The following SRGAP2C variants were observed in gnomAD, a reference collection of about 807,000 sequenced individuals.
SRGAP2C encodes SLIT-ROBO Rho GTPase activating protein 2C, also known as SLIT-ROBO Rho GTPase-activating protein 2C.
A neutral mutation model predicts 25.1 loss-of-function variants in SRGAP2C; 15 were observed. That is an observed-to-expected ratio of 0.60 (90% CI 0.40 to 0.92). The LOEUF (loss-of-function observed/expected upper bound fraction) is 0.92. Among genes scored for constraint, SRGAP2C ranks in the 40% least tolerant of loss-of-function variants. The probability of loss-of-function intolerance (pLI) is 0.00; values close to 1 mark genes in which losing one functional copy is unlikely to be tolerated. For missense variants in SRGAP2C, 144 were observed against 264.4 expected (o/e 0.54, Z 3.16); for synonymous variants, 44 against 96.6 (o/e 0.46, Z 3.19).
At chr1:121,296,293 T>C (rs1657598063) in intron 3 of SRGAP2C, among the ~76,000 whole-genome samples, 2 of 151,864 alleles carry the variant, frequency 1.3e-5, no homozygotes, top group South Asian at 4.2e-4. Context: ...TGTGGAAATA[T>C]TTGTGATTTC....
At chr1:121,310,361 C>A in intron 3 of SRGAP2C, among the ~76,000 whole-genome samples, 1 of 127,406 alleles carries the variant, frequency 7.8e-6, no homozygotes, top group African/African-American at 3.3e-5. Flanking sequence ...AAATTTTCTC[C>A]CATGTTGTAG....
At chr1:121,347,760 G>A (rs1658785083) in intron 4 of SRGAP2C, among the ~76,000 whole-genome samples, 2 of 152,058 alleles carry the variant, frequency 1.3e-5, no homozygotes, top group Admixed American at 1.3e-4. Context: ...GAGCCCTGTA[G>A]CGCCTGTGGA....
At position 121,328,456 on chromosome 1, in the gene SRGAP2C, C is replaced by G. The variant is rs1553341842; in HGVS notation, c.423+3816C>G. Among the ~76,000 whole-genome samples, 141 of 152,096 alleles carry G rather than the reference C, an allele frequency of 9.3e-4. 3 individuals are homozygous for G. The East Asian group carries it at 0.026, about 28-fold the overall frequency. Reference sequence around the variant, plus strand: ...ATAATAGAAGTCATTATATTTTGAACCTCTATGTGCCAGGTATCATGTTAA... The same window carrying G: ...ATAATAGAAGTCATTATATTTTGAAGCTCTATGTGCCAGGTATCATGTTAA... On this transcript the variant is annotated intron_variant, in intron 4 of 9. Coordinates refer to ENST00000367123, the MANE Select transcript of SRGAP2C (RefSeq NM_001329984.2).
chr1:121,309,333 T>C (rs1657925578), intron 3 of SRGAP2C, among the ~76,000 whole-genome samples: 2 of 142,432 alleles, frequency 1.4e-5, no homozygotes, highest in African/African-American at 2.6e-5. Flanking sequence ...CATTTTTGTT[T>C]AAGACATCAG....
intron 2 of SRGAP2C, among the ~76,000 whole-genome samples, chr1:121,260,296 G>A (rs1477779831): frequency 2.0e-5 from 3 of 151,872 alleles, no homozygotes; most frequent in Non-Finnish European, 4.4e-5. Flanking sequence ...AGGCATTTCA[G>A]GCAGAGGAAA....
intron 2 of SRGAP2C, among the ~76,000 whole-genome samples, chr1:121,218,481 G>C (rs1383089252): frequency 9.5e-6 from 1 of 105,196 alleles, no homozygotes; most frequent in African/African-American, 4.3e-5. Flanking sequence ...GAGTAGCTGG[G>C]ATTACAGGCA....
At chr1:121,213,193 G>A (rs1473620998) in intron 2 of SRGAP2C, among the ~76,000 whole-genome samples, 2 of 148,724 alleles carry the variant, frequency 1.3e-5, no homozygotes, top group African/African-American at 4.9e-5. Context: ...TTACAAGCGT[G>A]TGTCACCATG....
intron 2 of SRGAP2C, among the ~76,000 whole-genome samples, chr1:121,284,195 C>T (rs1364392061): frequency 1.3e-5 from 2 of 151,536 alleles, no homozygotes; most frequent in African/African-American, 4.8e-5. Flanking sequence ...GTTTTGATTG[C>T]TACCATTTGA....
intron 2 of SRGAP2C, among the ~76,000 whole-genome samples, chr1:121,191,005 A>G (rs1416364): frequency 0.68 from 101,667 of 150,182 alleles, 34,941 homozygotes; most frequent in East Asian, 0.79. Context: ...TCCTTAGTCA[A>G]CCTGCCTTGT....
intron 3 of SRGAP2C, among the ~76,000 whole-genome samples, chr1:121,288,480 C>T (rs1470649309): frequency 1.5e-5 from 1 of 65,672 alleles, no homozygotes; most frequent in Middle Eastern, 6.6e-3. Flanking sequence ...ACACAGGGTG[C>T]TGATTGGTGT....
intron 4 of SRGAP2C, among the ~76,000 whole-genome samples, chr1:121,329,077 G>A (rs1256717845): frequency 1.4e-5 from 2 of 138,690 alleles, no homozygotes; most frequent in Admixed American, 7.3e-5. Context: ...CAGGCAAGAT[G>A]GCCAGTGCCT....
At chr1:121,302,419 A>T (rs1657723468) in intron 3 of SRGAP2C, among the ~76,000 whole-genome samples, 2 of 149,050 alleles carry the variant, frequency 1.3e-5, no homozygotes, top group South Asian at 4.3e-4. Flanking sequence ...AAATGTTAAC[A>T]TATTACTACA....
In SRGAP2C at chr1:121,314,991, C is replaced by G. The variant is rs1658063993; in HGVS notation, c.261-9487C>G. ...CAGACAATCCAAGCATCCTTCTAAA[C>G]TATCCTCAGTCTTGTCAACAGCTGT... On this transcript the variant is annotated intron_variant, in intron 3 of 9. Coordinates refer to ENST00000367123, the MANE Select transcript of SRGAP2C (RefSeq NM_001329984.2). 5.9e-5 allele frequency: 62 copies of G among 1,056,428 alleles called. 2 individuals carry two copies. In the Middle Eastern group the frequency reaches 1.2e-3, roughly 20 times the overall value. 65.4% of individuals were successfully genotyped at this position (1,056,428 alleles called of 1,614,324 possible). A position where few individuals can be genotyped will look rare whatever the true frequency, so the allele number is the denominator to read the frequency against.
At chr1:121,219,415 GC>G (rs2101442314) in intron 2 of SRGAP2C, among the ~76,000 whole-genome samples, 1 of 44,900 alleles carries the variant, frequency 2.2e-5, no homozygotes, top group African/African-American at 1.2e-4. Context: ...CTTTTGGATG[GC>G]AGGGCCCTTT....
intron 2 of SRGAP2C, among the ~76,000 whole-genome samples, chr1:121,192,008 C>T (rs1472000120): frequency 6.0e-5 from 9 of 150,246 alleles, no homozygotes; most frequent in African/African-American, 1.2e-4. Flanking sequence ...AAGTGCAGGC[C>T]TTTGCTTGGA....
intron 3 of SRGAP2C, among the ~76,000 whole-genome samples, chr1:121,288,976 C>T (rs1243048308): frequency 2.1e-5 from 3 of 139,828 alleles, no homozygotes; most frequent in African/African-American, 8.2e-5. Context: ...GGTGTATTTA[C>T]AATCCCTGAG....
intron 3 of SRGAP2C, among the ~76,000 whole-genome samples, chr1:121,295,180 A>C (rs1657569666): frequency 8.4e-6 from 1 of 119,176 alleles, no homozygotes; most frequent in African/African-American, 3.1e-5. Context: ...CAGTGAGTAG[A>C]CTGGTTTAGC....
At chr1:121,260,416 T>A (rs1238926361) in intron 2 of SRGAP2C, among the ~76,000 whole-genome samples, 2 of 151,798 alleles carry the variant, frequency 1.3e-5, no homozygotes, top group African/African-American at 4.8e-5. Context: ...CTGGTGGGAA[T>A]GAGGTGGAAG....
chr1:121,355,305 C>CTTTTTT (rs1203362201), intron 4 of SRGAP2C, among the ~76,000 whole-genome samples: 2 of 37,272 alleles, frequency 5.4e-5, no homozygotes, highest in African/African-American at 1.1e-4. Flanking sequence ...GATACACATT[C>CTTTTTT]TTTTTTTTTT....
Sources: allele counts gnomAD v4.1 joint callset (sites outside exome capture counted in the v4.1 genomes callset), GRCh38; gene constraint gnomAD v4.1.1; transcripts MANE v1.5; gene names NCBI Gene and HGNC (gene_info 2026-07-23, HGNC 2026-07-21).